TRIQK: variants seen among roughly 807,000 people sequenced by gnomAD.
TRIQK encodes the protein triple QxxK/R motif containing, also known as triple QxxK/R motif-containing protein.
A neutral mutation model predicts 10.8 loss-of-function variants in TRIQK; 10 were observed. The observed-to-expected ratio is 0.92, with a 90% CI of 0.57 to 1.57. The LOEUF (loss-of-function observed/expected upper bound fraction) is 1.57. Ranked by LOEUF, TRIQK falls within the 40% of genes most tolerant of loss-of-function variation. The pLI is 0.00. For missense variants in TRIQK, 107 were observed against 97.7 expected (o/e 1.09, Z -0.40); for synonymous variants, 33 against 33.7 (o/e 0.98, Z 0.07).
At chr8:92,897,650 A>G (rs538611712) in intron 3 of TRIQK, among the ~76,000 whole-genome samples, 1 of 152,276 alleles carries the variant, frequency 6.6e-6, no homozygotes, top group African/African-American at 2.4e-5. Context: ...TTCTTTATAA[A>G]TTACCCAGTC....
chr8:92,903,658 G>A (rs941988732), intron 3 of TRIQK, among the ~76,000 whole-genome samples: 1 of 152,012 alleles, frequency 6.6e-6, no homozygotes, highest in Admixed American at 6.6e-5. Flanking sequence ...TTTAATTGAA[G>A]AGTATCCTGA....
intron 1 of TRIQK, among the ~76,000 whole-genome samples, chr8:93,006,179 C>T (rs1034460205): frequency 6.6e-6 from 1 of 152,128 alleles, no homozygotes; most frequent in South Asian, 2.1e-4. Context: ...CCAAAATGGG[C>T]GACTAGAAAC....
At chr8:92,978,465 C>T (rs961859170) in intron 1 of TRIQK, among the ~76,000 whole-genome samples, 13 of 152,112 alleles carry the variant, frequency 8.5e-5, no homozygotes, top group Admixed American at 3.9e-4. Flanking sequence ...AGTTTTGAGC[C>T]GCTCAATTTG....
intron 3 of TRIQK, among the ~76,000 whole-genome samples, chr8:92,910,651 TAAC>T (rs1809521278): frequency 6.6e-6 from 1 of 150,696 alleles, no homozygotes; most frequent in African/African-American, 2.4e-5. Flanking sequence ...CAAGAGTACT[TAAC>T]AAAATAACAA....
intron 3 of TRIQK, among the ~76,000 whole-genome samples, chr8:92,913,638 T>G (rs992253754): frequency 3.9e-5 from 6 of 152,156 alleles, no homozygotes; most frequent in African/African-American, 1.4e-4. Flanking sequence ...CAAAGGATTA[T>G]AAATCATTCT....
intron 3 of TRIQK, among the ~76,000 whole-genome samples, chr8:92,898,365 A>C (rs916831984): frequency 1.3e-5 from 2 of 152,164 alleles, no homozygotes; most frequent in African/African-American, 2.4e-5. Flanking sequence ...TGAAAGGCTA[A>C]AGAAAAGAAA....
intron 2 of TRIQK, among the ~76,000 whole-genome samples, chr8:92,924,519 A>T (rs1288735672): frequency 6.6e-6 from 1 of 152,004 alleles, no homozygotes; most frequent in Non-Finnish European, 1.5e-5. Context: ...CCCACTTGTG[A>T]AACCTATATA....
chr8:92,939,846 A>T (rs1400341579), intron 2 of TRIQK, among the ~76,000 whole-genome samples: 1 of 152,178 alleles, frequency 6.6e-6, no homozygotes, highest in Non-Finnish European at 1.5e-5. Context: ...CTCATCATGC[A>T]TTCCTAAGGA....
intron 2 of TRIQK, among the ~76,000 whole-genome samples, chr8:92,939,359 G>C (rs1452686756): frequency 6.6e-6 from 1 of 152,132 alleles, no homozygotes; most frequent in Non-Finnish European, 1.5e-5. Context: ...TTGTGAATTT[G>C]AGAGAAGCAA....
intron 2 of TRIQK, among the ~76,000 whole-genome samples, chr8:92,931,761 A>G (rs1015145576): frequency 6.6e-6 from 1 of 152,140 alleles, no homozygotes; most frequent in African/African-American, 2.4e-5. Context: ...CATTCATTAC[A>G]GCAAGATAAA....
chr8:92,956,707 A>G (rs1291988956), intron 1 of TRIQK, among the ~76,000 whole-genome samples: 7 of 151,830 alleles, frequency 4.6e-5, no homozygotes, highest in Non-Finnish European at 1.0e-4. Context: ...ATGTGGGGGA[A>G]GCATATTAAT....
At chr8:92,964,608 TAA>T (rs796959876) in intron 1 of TRIQK, among the ~76,000 whole-genome samples, 9 of 138,332 alleles carry the variant, frequency 6.5e-5, no homozygotes, top group African/African-American at 1.8e-4. Flanking sequence ...ACCCTAAGAT[TAA>T]AAAAAAAAAA....
In TRIQK at chr8:92,939,180, G is replaced by A. The variant is rs1014887190; in HGVS notation, c.-22+15226C>T. Among the ~76,000 whole-genome samples, 10 of 152,064 alleles carry A rather than the reference G, an allele frequency of 6.6e-5. No individual in the cohort carries two copies. The East Asian group carries it at 1.9e-3, about 29-fold the overall frequency. The stretch of plus-strand genomic sequence containing the variant: ...TCAGGTTTTACTTAAGTTTTTTCTA[G>A]GTTGCATCTAAGCAACCTTTAATCT... On this transcript the variant is annotated intron_variant, in intron 2 of 4. Coordinates refer to ENST00000521988, the MANE Select transcript of TRIQK (RefSeq NM_001171797.2).
chr8:92,911,727 T>C (rs539773896), intron 3 of TRIQK, among the ~76,000 whole-genome samples: 18 of 150,890 alleles, frequency 1.2e-4, no homozygotes, highest in African/African-American at 4.4e-4. Context: ...CAGGAAGATA[T>C]AATGATTATA....
In TRIQK at chr8:92,916,968, T is replaced by C. The variant is rs750593560; in HGVS notation, c.22A>G (p.Thr8Ala). The change falls in exon 3 of 5, where the codon ACT becomes GCT. Residue 8 changes from threonine (T) to alanine (A), a missense_variant. Thr to Ala is a moderately conservative substitution (Grantham distance 58). Transcript: ENST00000521988. ...TACTGATCAACAGGAAGTTTTATAGTAGCAGCATCTTTTCTACCCATCTTT... is the reference window on the plus strand; with the variant it reads ...TACTGATCAACAGGAAGTTTTATAGCAGCAGCATCTTTTCTACCCATCTTT... The part of the protein sequence containing the change: MGRKDAA[T>A]IKLPVDQYRK... 3.3e-6 allele frequency: 5 copies of C among 1,511,188 alleles called. No homozygotes were observed. The highest frequency in any genetic ancestry group is 2.5e-5 in the South Asian group (2 of 78,678). The allele number at this position is 1,511,188 out of a possible 1,614,324, so 93.6% of individuals were successfully genotyped here. A position where few individuals can be genotyped will look rare whatever the true frequency, so the allele number is the denominator to read the frequency against.
chr8:92,971,079 C>G (rs926132729), upstream of TRIQK, among the ~76,000 whole-genome samples: 1 of 151,896 alleles, frequency 6.6e-6, no homozygotes, highest in Admixed American at 6.6e-5. Flanking sequence ...TTGTTTTTTT[C>G]CTGTTTGTCA....
chr8:92,976,628 T>C (rs1266898950), intron 1 of TRIQK, among the ~76,000 whole-genome samples: 2 of 152,044 alleles, frequency 1.3e-5, no homozygotes, highest in African/African-American at 4.8e-5. Flanking sequence ...AGACCATTTA[T>C]GTTACTGTGA....
chr8:92,942,971 G>A (rs1253367280), intron 2 of TRIQK, among the ~76,000 whole-genome samples: 1 of 151,770 alleles, frequency 6.6e-6, no homozygotes. Flanking sequence ...AGGATTACAA[G>A]CATAAGCCAC....
chr8:92,891,493 C>T (rs2130262199), intron 4 of TRIQK, among the ~76,000 whole-genome samples: 1 of 151,820 alleles, frequency 6.6e-6, no homozygotes, highest in East Asian at 1.9e-4. Context: ...ATTTATCCCT[C>T]TTAAGCAGAT....
Sources: allele counts gnomAD v4.1 joint callset (sites outside exome capture counted in the v4.1 genomes callset), GRCh38; gene constraint gnomAD v4.1.1; transcripts MANE v1.5; gene names NCBI Gene and HGNC (gene_info 2026-07-23, HGNC 2026-07-21).